ARHGAP6: variants seen among roughly 807,000 people sequenced by gnomAD.
The protein encoded by ARHGAP6 is rho GTPase-activating protein 6.
A neutral mutation model predicts 55.7 loss-of-function variants in ARHGAP6; 16 were observed. The ratio of observed to expected loss-of-function variants is 0.29; its 90% CI spans 0.19 to 0.44. The LOEUF (loss-of-function observed/expected upper bound fraction) is 0.44. ARHGAP6 is among the 20% of genes least tolerant of loss of function. ARHGAP6 has a pLI of 1.00. For synonymous variants in ARHGAP6, 382 were observed against 360.9 expected, an observed-to-expected ratio of 1.06 and a Z score of -0.66; for missense variants, 698 against 808.9, an observed-to-expected ratio of 0.86 and a Z score of 1.66.
chrX:11,590,847 AAAAGAAAAGAAAAGAAAAGAAGGAAAG>A (rs2051807403), intron 1 of ARHGAP6, among the ~76,000 whole-genome samples: 1 of 51,110 alleles, frequency 2.0e-5, no homozygotes, highest in East Asian at 7.1e-4. Flanking sequence ...AAAAGAAAAG[AAAAGAAAAGAAAAGAAAAGAAGGAAAG>A]AAAGAAAGAA....
At chrX:11,427,432 C>G in intron 1 of ARHGAP6, 3 of 848,351 alleles carry the variant, frequency 3.5e-6, no homozygotes, top group Non-Finnish European at 4.4e-6. Context: ...CGGCCACCCG[C>G]CACCCCCTCA....
chrX:11,333,657 T>C (rs2048590329), intron 1 of ARHGAP6, among the ~76,000 whole-genome samples: 1 of 112,308 alleles, frequency 8.9e-6, no homozygotes, highest in African/African-American at 3.2e-5. Context: ...GCCTTTTCTT[T>C]TTCTTAAATG....
At chrX:11,435,095 G>A (rs1044786307) in intron 1 of ARHGAP6, among the ~76,000 whole-genome samples, 12 of 111,905 alleles carry the variant, frequency 1.1e-4, no homozygotes, top group African/African-American at 3.6e-4. Flanking sequence ...GAGGGAGGGG[G>A]AGATGCTACT....
chrX:11,503,924 C>T (rs944409935), intron 1 of ARHGAP6, among the ~76,000 whole-genome samples: 7 of 111,221 alleles, frequency 6.3e-5, no homozygotes, highest in African/African-American at 9.8e-5. Context: ...TTTGCAAAAC[C>T]GTGGTTGAAA....
intron 1 of ARHGAP6, among the ~76,000 whole-genome samples, chrX:11,255,989 A>C (rs910012269): frequency 5.3e-5 from 6 of 112,627 alleles, no homozygotes; most frequent in Non-Finnish European, 1.1e-4. Flanking sequence ...TTGCTCAATG[A>C]TCAAGAAAGA....
In ARHGAP6 at chrX:11,139,203, C is replaced by G; in HGVS notation, c.2585G>C (p.Arg862Pro). Residue 862 changes from arginine (R) to proline (P), a missense_variant, in exon 13 of 13, where the codon CGG becomes CCG. This residue lies in a region of ARHGAP6 where 212 missense variants were observed against 208.7 expected (regional missense o/e 1.02). Coordinates refer to ENST00000337414, the MANE Select transcript of ARHGAP6 (RefSeq NM_013427.3). ...SELDVAGLQS[R>P]ATPQCQRPHG... The stretch of plus-strand genomic sequence containing the variant: ...GGGTCTTTGGCACTGAGGTGTGGCC[C>G]GGCTCTGCAGCCCGGCCACATCCAG... The G allele has an allele frequency of 8.3e-7, 1 of 1,203,243 alleles. No individual in the cohort carries two copies. The highest frequency in any genetic ancestry group is 1.1e-6 in the Non-Finnish European group (1 of 892,441).
At chrX:11,549,565 G>A (rs2051245293) in intron 1 of ARHGAP6, among the ~76,000 whole-genome samples, 2 of 112,107 alleles carry the variant, frequency 1.8e-5, no homozygotes, top group South Asian at 7.6e-4. Context: ...TTCTCAGTCT[G>A]TAATGTGCAC....
chrX:11,471,357 A>T (rs2050345111), intron 1 of ARHGAP6, among the ~76,000 whole-genome samples: 1 of 112,300 alleles, frequency 8.9e-6, no homozygotes, highest in African/African-American at 3.2e-5. Context: ...ATCAAAGAAA[A>T]TTAAAAATGG....
intron 1 of ARHGAP6, among the ~76,000 whole-genome samples, chrX:11,293,810 C>A (rs1382741480): frequency 5.4e-5 from 6 of 111,802 alleles, no homozygotes; most frequent in Non-Finnish European, 9.4e-5. Flanking sequence ...AAAATAGAAC[C>A]ATCCATGAAG....
chrX:11,512,996 A>G (rs1156517401), intron 1 of ARHGAP6, among the ~76,000 whole-genome samples: 2 of 112,348 alleles, frequency 1.8e-5, no homozygotes, highest in Non-Finnish European at 3.8e-5. Context: ...AATGAAAGGG[A>G]AAAGTATCAT....
chrX:11,442,767 C>T (rs916704378), intron 1 of ARHGAP6, among the ~76,000 whole-genome samples: 1 of 111,366 alleles, frequency 9.0e-6, no homozygotes, highest in African/African-American at 3.3e-5. Flanking sequence ...TCAGGGTAGA[C>T]GTAGTCAAAT....
At chrX:11,566,086 T>C (rs995864886) in intron 1 of ARHGAP6, among the ~76,000 whole-genome samples, 2 of 111,949 alleles carry the variant, frequency 1.8e-5, no homozygotes, top group South Asian at 3.7e-4. Context: ...GCAAGTACGA[T>C]AGAGATTGTG....
chrX:11,437,793 T>C (rs1459915085), intron 1 of ARHGAP6, among the ~76,000 whole-genome samples: 1 of 112,455 alleles, frequency 8.9e-6, no homozygotes, highest in Non-Finnish European at 1.9e-5. Context: ...ATAGGGCAAC[T>C]GCTCCAGAAC....
chrX:11,331,055 A>G (rs1382552862), intron 1 of ARHGAP6, among the ~76,000 whole-genome samples: 1 of 111,958 alleles, frequency 8.9e-6, no homozygotes, highest in East Asian at 2.8e-4. Context: ...GGAAACTAGA[A>G]TCCCTTTTCC....
rs143554058 is a variant in ARHGAP6, at chrX:11,517,613, C to T, written c.588+146628G>A. On this transcript the variant is annotated intron_variant, in intron 1 of 12. Transcript: ENST00000337414. ...ATGTGTTTGGTTTAAAATCATCAAG[C>T]AGTATGATATTGGCTGTAGGTTTGT... Among the ~76,000 whole-genome samples the T allele has an allele frequency of 3.9e-4, 44 of 111,483 alleles. 1 individual carries two copies. The East Asian group carries it at 0.01, about 26-fold the overall frequency.
chrX:11,146,968 G>A (rs749570226), intron 10 of ARHGAP6, among the ~76,000 whole-genome samples: 4 of 110,942 alleles, frequency 3.6e-5, no homozygotes, highest in African/African-American at 1.3e-4. Flanking sequence ...TCACATGAAA[G>A]CACACCGATT....
intron 1 of ARHGAP6, among the ~76,000 whole-genome samples, chrX:11,515,289 G>T (rs988064145): frequency 8.9e-6 from 1 of 112,164 alleles, no homozygotes; most frequent in African/African-American, 3.2e-5. Flanking sequence ...AAGTCACTAA[G>T]GTACACATAA....
chrX:11,646,992 T>G (rs1352995384), intron 1 of ARHGAP6, among the ~76,000 whole-genome samples: 2 of 112,056 alleles, frequency 1.8e-5, no homozygotes, highest in Non-Finnish European at 3.8e-5. Context: ...TCAAGAGAAA[T>G]ACCTAAGTTA....
intron 8 of ARHGAP6, 89 bp from the exon 9 acceptor site, chrX:11,169,773 CTT>C (rs759297343): frequency 2.5e-3 from 1,482 of 582,473 alleles, no homozygotes; most frequent in South Asian, 3.3e-3. Flanking sequence ...TTTTACTCTC[CTT>C]TTTTTTTTTT....
Sources: gnomAD v4.1 joint callset for allele counts (sites outside exome capture counted in the v4.1 genomes callset) on GRCh38, gnomAD v4.1.1 for gene constraint, gnomAD v4.1.1 regional missense constraint, MANE v1.5 for transcripts, NCBI Gene and HGNC (gene_info 2026-07-23, HGNC 2026-07-21) for gene names.